TENM3: variants seen among roughly 807,000 people sequenced by gnomAD.
The protein encoded by TENM3 is teneurin-3.
In TENM3, 63 loss-of-function variants were observed where a neutral mutation model predicts 255.1. The observed-to-expected ratio is 0.25, with a 90% CI of 0.20 to 0.30. The LOEUF (loss-of-function observed/expected upper bound fraction) is 0.30. Among genes scored for constraint, TENM3 ranks in the 10% least tolerant of loss-of-function variants. The pLI is 1.00. For synonymous variants in TENM3, 1,306 were observed against 1,322.3 expected (o/e 0.99, Z 0.27); for missense variants, 2,929 against 3,461.1 (o/e 0.85, Z 3.86).
At chr4:182,677,200 T>C (rs1755738581) in intron 7 of TENM3, among the ~76,000 whole-genome samples, 1 of 152,224 alleles carries the variant, frequency 6.6e-6, no homozygotes, top group Non-Finnish European at 1.5e-5. Context: ...CCTGAATTCA[T>C]GTGCGAAACA....
the TENM3 span, among the ~76,000 whole-genome samples, chr4:181,474,739 C>CAAAA: frequency 1.0e-4 from 14 of 137,310 alleles, no homozygotes; most frequent in African/African-American, 2.5e-4. Context: ...CGTCTCAAAA[C>CAAAA]AAAAAAAAAA....
chr4:181,928,496 G>T, the TENM3 span, among the ~76,000 whole-genome samples: 11 of 151,850 alleles, frequency 7.2e-5, no homozygotes, highest in Admixed American at 2.6e-4. Context: ...GAATGAGTAG[G>T]AAAGAACAAC....
At chr4:182,664,725 C>T (rs1754510204) in intron 6 of TENM3, among the ~76,000 whole-genome samples, 1 of 152,294 alleles carries the variant, frequency 6.6e-6, no homozygotes, top group East Asian at 1.9e-4. Context: ...AGCCTTATTA[C>T]TGATAAGGAG....
chr4:181,810,729 G>C, the TENM3 span, among the ~76,000 whole-genome samples: 1 of 152,062 alleles, frequency 6.6e-6, no homozygotes, highest in Non-Finnish European at 1.5e-5. Context: ...AGTGGCATTT[G>C]AAGTGGGCCT....
chr4:182,093,791 CT>C, the TENM3 span, among the ~76,000 whole-genome samples: 1 of 152,128 alleles, frequency 6.6e-6, no homozygotes, highest in South Asian at 2.1e-4. Context: ...CCCTCCAGGG[CT>C]GAGTCATCCA....
the TENM3 span, among the ~76,000 whole-genome samples, chr4:181,879,688 C>G: frequency 6.6e-6 from 1 of 152,140 alleles, no homozygotes; most frequent in Non-Finnish European, 1.5e-5. Flanking sequence ...TTGTATCCCT[C>G]TAACTCATGG....
the TENM3 span, among the ~76,000 whole-genome samples, chr4:181,654,860 C>T: frequency 1.3e-5 from 2 of 151,810 alleles, no homozygotes; most frequent in Admixed American, 1.3e-4. Flanking sequence ...TGGGGCTCAG[C>T]AGTCTCCATT....
At chr4:182,615,142 T>C (rs1749382455) in intron 4 of TENM3, among the ~76,000 whole-genome samples, 1 of 150,968 alleles carries the variant, frequency 6.6e-6, no homozygotes. Context: ...TGTGTGTGTG[T>C]GCTTACACGT....
At chr4:182,240,773 A>G (rs770127704), upstream of TENM3, among the ~76,000 whole-genome samples, 26 of 152,146 alleles carry the variant, frequency 1.7e-4, no homozygotes, top group Non-Finnish European at 5.9e-5. Context: ...AGCCTGGAGC[A>G]GGGAGACAGT....
At chr4:181,624,399 C>A in the TENM3 span, among the ~76,000 whole-genome samples, 1 of 152,126 alleles carries the variant, frequency 6.6e-6, no homozygotes, top group Non-Finnish European at 1.5e-5. Flanking sequence ...CTTAAAGAAG[C>A]AAGGAAGAGA....
chr4:182,490,033 C>A (rs763438135), intron 3 of TENM3, among the ~76,000 whole-genome samples: 11 of 152,100 alleles, frequency 7.2e-5, no homozygotes, highest in Non-Finnish European at 1.6e-4. Context: ...TTGGAGAAAG[C>A]AGAAACTCTC....
chr4:181,803,702 T>G, the TENM3 span, among the ~76,000 whole-genome samples: 26,993 of 151,880 alleles, frequency 0.18, 3,130 homozygotes, highest in Non-Finnish European at 0.26. Flanking sequence ...CCATGGCTCA[T>G]GCCTTTAATC....
intron 1 of TENM3, among the ~76,000 whole-genome samples, chr4:182,193,709 A>T (rs1012331373): frequency 6.6e-6 from 1 of 152,182 alleles, no homozygotes; most frequent in African/African-American, 2.4e-5. Context: ...TGTGGATTTG[A>T]TTCATCTGTT....
chr4:182,703,157 T>C (rs887076922), intron 12 of TENM3, among the ~76,000 whole-genome samples: 7 of 152,220 alleles, frequency 4.6e-5, no homozygotes, highest in Non-Finnish European at 1.0e-4. Flanking sequence ...TGAAAATAAA[T>C]TAATGTATAT....
chr4:181,516,444 G>A, the TENM3 span, among the ~76,000 whole-genome samples: 1 of 151,922 alleles, frequency 6.6e-6, no homozygotes, highest in Non-Finnish European at 1.5e-5. Flanking sequence ...GGGAATGAGA[G>A]CATAGACTGA....
intron 1 of TENM3, among the ~76,000 whole-genome samples, chr4:182,205,761 G>T (rs1369911426): frequency 6.6e-6 from 1 of 152,140 alleles, no homozygotes; most frequent in Non-Finnish European, 1.5e-5. Flanking sequence ...TCTTCCCCTT[G>T]TGGAAATTTT....
chr4:181,508,994 C>T, the TENM3 span, among the ~76,000 whole-genome samples: 15 of 146,808 alleles, frequency 1.0e-4, no homozygotes, highest in Non-Finnish European at 1.9e-4. Context: ...AATTTGACCT[C>T]CCTGCTGCCT....
the TENM3 span, among the ~76,000 whole-genome samples, chr4:181,852,452 A>C: frequency 6.6e-6 from 1 of 152,198 alleles, no homozygotes; most frequent in African/African-American, 2.4e-5. Flanking sequence ...TTTCCTATTT[A>C]AAACTTTTTC....
chr4:182,718,541 A>G (rs947911996), intron 13 of TENM3, among the ~76,000 whole-genome samples: 1 of 149,852 alleles, frequency 6.7e-6, no homozygotes, highest in African/African-American at 2.4e-5. Flanking sequence ...ACGGTCTACT[A>G]TGGGAATAAG....
Sources: gnomAD v4.1 joint callset for allele counts (sites outside exome capture counted in the v4.1 genomes callset) on GRCh38, gnomAD v4.1.1 for gene constraint, MANE v1.5 for transcripts, NCBI Gene and HGNC (gene_info 2026-07-23, HGNC 2026-07-21) for gene names.